DNAJC1: variants seen among roughly 807,000 people sequenced by gnomAD.
DNAJC1 encodes dnaJ homolog subfamily C member 1.
A neutral mutation model predicts 76.6 loss-of-function variants in DNAJC1; 58 were observed. That is an observed-to-expected ratio of 0.76 (90% confidence interval 0.61 to 0.94). The LOEUF (loss-of-function observed/expected upper bound fraction) is 0.94, where lower values mean the gene tolerates loss of function less well. Among genes scored for constraint, DNAJC1 ranks in the 40% least tolerant of loss-of-function variants. The pLI is 0.00. For synonymous variants in DNAJC1, 258 were observed against 267.9 expected, an observed-to-expected ratio of 0.96 and a Z score of 0.36; for missense variants, 689 against 677.3, an observed-to-expected ratio of 1.02 and a Z score of -0.19.
chr10:21,920,709 CAG>C (rs1837028282), intron 4 of DNAJC1, 87 bp downstream of exon 4: 5 of 1,283,896 alleles, frequency 3.9e-6, no homozygotes, highest in African/African-American at 1.5e-5. Context: ...CAGAGAGAAA[CAG>C]AAATTTTCAT....
chr10:21,819,130 C>T (rs1053481836), intron 8 of DNAJC1, among the ~76,000 whole-genome samples: 2 of 152,142 alleles, frequency 1.3e-5, no homozygotes, highest in Admixed American at 1.3e-4. Flanking sequence ...GGGCCAGGCG[C>T]GGTGGCTCAT....
Position 21,988,157 on chromosome 10 carries a change from C to G in DNAJC1, c.222+15056G>C, listed in dbSNP as rs928420464. ...TGAATTAACAAACATGAAAAGCAGG[C>G]TTTATTATCAAAATTTCTTAACATA... On this transcript the variant is annotated intron_variant, in intron 1 of 11. Coordinates refer to ENST00000376980, the MANE Select transcript of DNAJC1 (RefSeq NM_022365.4). Among the ~76,000 whole-genome samples, 5 of 152,114 alleles carry G rather than the reference C, an allele frequency of 3.3e-5. No homozygotes were observed. The East Asian group carries it at 9.6e-4, about 29-fold the overall frequency.
chr10:21,925,246 A>C (rs1837109335), intron 3 of DNAJC1, among the ~76,000 whole-genome samples: 1 of 152,110 alleles, frequency 6.6e-6, no homozygotes, highest in African/African-American at 2.4e-5. Context: ...TCCTGGGCTC[A>C]AGCGATCCTC....
chr10:21,850,812 C>A (rs1204266170), intron 8 of DNAJC1, among the ~76,000 whole-genome samples: 1 of 152,060 alleles, frequency 6.6e-6, no homozygotes, highest in East Asian at 1.9e-4. Flanking sequence ...GTGGTACTGG[C>A]ATGAAGACAG....
Position 21,805,977 on chromosome 10 carries a change from C to T in DNAJC1, c.1098+3G>A. The T allele has an allele frequency of 6.2e-7, 1 of 1,611,468 alleles. No homozygotes were observed. Among genetic ancestry groups the T allele is most frequent in the Non-Finnish European group, 8.5e-7 (1 of 1,179,504 alleles). ...TATACAATGCAAATCTCAGTGAACT[C>T]ACATCTGTCACAGATCGACCCAATT... On this transcript the variant is annotated splice_donor_region_variant and intron_variant, in intron 9 of 11. Coordinates refer to ENST00000376980, the MANE Select transcript of DNAJC1 (RefSeq NM_022365.4).
At chr10:21,849,511 C>A (rs1835717096) in intron 8 of DNAJC1, among the ~76,000 whole-genome samples, 2 of 151,728 alleles carry the variant, frequency 1.3e-5, no homozygotes, top group Middle Eastern at 3.4e-3. Flanking sequence ...AACTGACAAG[C>A]CAATACTGAC....
intron 8 of DNAJC1, among the ~76,000 whole-genome samples, chr10:21,832,984 T>C (rs1835385127): frequency 6.6e-6 from 1 of 152,230 alleles, no homozygotes; most frequent in South Asian, 2.1e-4. Context: ...TATTCCTTAG[T>C]TTCTGGAATG....
chr10:21,902,873 A>G (rs1836681638), intron 7 of DNAJC1, among the ~76,000 whole-genome samples: 1 of 152,178 alleles, frequency 6.6e-6, no homozygotes, highest in African/African-American at 2.4e-5. Flanking sequence ...GAGCAATCAA[A>G]TGTAGTGTAT....
intron 9 of DNAJC1, among the ~76,000 whole-genome samples, chr10:21,781,359 T>C (rs191530163): frequency 1.5e-4 from 23 of 152,202 alleles, no homozygotes; most frequent in Non-Finnish European, 2.9e-4. Flanking sequence ...CCTCAGCAAA[T>C]GTAAAAGAAC....
chr10:21,889,223 A>T (rs1363643572), intron 7 of DNAJC1, among the ~76,000 whole-genome samples: 1 of 152,090 alleles, frequency 6.6e-6, no homozygotes, highest in Non-Finnish European at 1.5e-5. Context: ...GAGAGGGAGG[A>T]GCTGCTACAC....
chr10:21,956,428 AATT>A (rs1837683949), intron 1 of DNAJC1, among the ~76,000 whole-genome samples: 1 of 152,076 alleles, frequency 6.6e-6, no homozygotes, highest in South Asian at 2.1e-4. Flanking sequence ...ATTAGAAAAA[AATT>A]ATTAATTAAC....
intron 8 of DNAJC1, among the ~76,000 whole-genome samples, chr10:21,827,171 T>G (rs1835274135): frequency 6.6e-6 from 1 of 152,200 alleles, no homozygotes; most frequent in African/African-American, 2.4e-5. Context: ...ATTTCTATGA[T>G]GAAGTAACTT....
chr10:21,960,209 A>T (rs1837764390), intron 1 of DNAJC1, among the ~76,000 whole-genome samples: 1 of 152,230 alleles, frequency 6.6e-6, no homozygotes, highest in Non-Finnish European at 1.5e-5. Context: ...CAAACTCCTT[A>T]GTGGTTATCT....
At chr10:21,956,438 T>TTTGAAAGGTTTG (rs1353402346) in intron 1 of DNAJC1, among the ~76,000 whole-genome samples, 89 of 152,088 alleles carry the variant, frequency 5.9e-4, no homozygotes, top group Non-Finnish European at 7.2e-4. Context: ...AATTATTAAT[T>TTTGAAAGGTTTG]AACCATAGGT....
chr10:21,965,423 A>C (rs1249098546), intron 1 of DNAJC1, among the ~76,000 whole-genome samples: 4 of 152,190 alleles, frequency 2.6e-5, no homozygotes, highest in Non-Finnish European at 5.9e-5. Context: ...ATGCAATACT[A>C]CTGTCAGAGG....
At chr10:21,889,624 C>T (rs1313767742) in intron 7 of DNAJC1, among the ~76,000 whole-genome samples, 1 of 152,108 alleles carries the variant, frequency 6.6e-6, no homozygotes, top group African/African-American at 2.4e-5. Flanking sequence ...CTCAAGAATA[C>T]CCACAGTGGT....
intron 9 of DNAJC1, among the ~76,000 whole-genome samples, chr10:21,805,099 T>A (rs1720504872): frequency 6.6e-6 from 1 of 152,064 alleles, no homozygotes; most frequent in Admixed American, 6.6e-5. Context: ...AAACTATCAG[T>A]ACTATAAAAG....
chr10:21,903,711 G>T (rs1481657600), intron 7 of DNAJC1, among the ~76,000 whole-genome samples: 2 of 152,170 alleles, frequency 1.3e-5, no homozygotes, highest in East Asian at 3.9e-4. Flanking sequence ...ACTGAAAAAT[G>T]ACCCCCTAAA....
chr10:21,839,537 C>G (rs1025956917), intron 8 of DNAJC1, among the ~76,000 whole-genome samples: 6 of 152,148 alleles, frequency 3.9e-5, no homozygotes, highest in African/African-American at 1.4e-4. Context: ...TACATCCTCC[C>G]AAGACTAAAC....
Sources: allele counts gnomAD v4.1 joint callset (sites outside exome capture counted in the v4.1 genomes callset), GRCh38; gene constraint gnomAD v4.1.1; transcripts MANE v1.5; gene names NCBI Gene and HGNC (gene_info 2026-07-23, HGNC 2026-07-21).